The following FRAS1 variants were observed in gnomAD, a reference collection of about 807,000 sequenced individuals.
The protein encoded by FRAS1 is extracellular matrix organizing protein FRAS1.
FRAS1 carries 290 observed loss-of-function variants against 435.2 expected under a neutral mutation model. The observed-to-expected ratio is 0.67, with a 90% CI of 0.61 to 0.73. FRAS1 has a LOEUF of 0.73. Among genes scored for constraint, FRAS1 ranks in the 30% least tolerant of loss-of-function variants. FRAS1 has a pLI of 0.00. For synonymous variants in FRAS1, 1,800 were observed against 1,851.0 expected, an observed-to-expected ratio of 0.97 and a Z score of 0.71; for missense variants, 4,860 against 5,001.5, an observed-to-expected ratio of 0.97 and a Z score of 0.85.
At chr4:78,065,639 G>A (rs1021666445) in intron 1 of FRAS1, among the ~76,000 whole-genome samples, 1 of 152,202 alleles carries the variant, frequency 6.6e-6, no homozygotes, top group African/African-American at 2.4e-5. Flanking sequence ...AACAGTGGCA[G>A]GGAAGCCTGG....
At chr4:78,081,999 T>C (rs966272912) in intron 2 of FRAS1, among the ~76,000 whole-genome samples, 1 of 152,138 alleles carries the variant, frequency 6.6e-6, no homozygotes, top group African/African-American at 2.4e-5. Context: ...CATATTCCAC[T>C]CAAATAGTTT....
chr4:78,378,476 T>C (rs1731872420), intron 26 of FRAS1, among the ~76,000 whole-genome samples: 1 of 152,182 alleles, frequency 6.6e-6, no homozygotes, highest in Admixed American at 6.5e-5. Context: ...TTGGTAACTG[T>C]ATTTAATTGA....
At chr4:78,111,713 T>G (rs1172422704) in intron 2 of FRAS1, among the ~76,000 whole-genome samples, 1 of 120,622 alleles carries the variant, frequency 8.3e-6, no homozygotes, top group Non-Finnish European at 1.6e-5. Context: ...GTAACTAACC[T>G]GCACAATGTG....
chr4:78,422,623 G>A (rs1392981467), intron 34 of FRAS1, among the ~76,000 whole-genome samples: 3 of 152,182 alleles, frequency 2.0e-5, no homozygotes, highest in African/African-American at 4.8e-5. Context: ...GTCAGGCAGA[G>A]CAGGGATGCA....
At chr4:78,378,953 T>C (rs1338798308) in intron 26 of FRAS1, among the ~76,000 whole-genome samples, 2 of 152,136 alleles carry the variant, frequency 1.3e-5, no homozygotes, top group Non-Finnish European at 2.9e-5. Context: ...TTCAAAATCG[T>C]AAAAATGTAC....
rs368726476 is a variant in FRAS1, at chr4:78,519,430, C to T, written c.10489C>T (p.His3497Tyr). ...APRGWASLEHHTEMEFSFFYD... is the reference protein window; with the variant it reads ...APRGWASLEHYTEMEFSFFYD... ...CAGGGGCTGGGCCTCCTTGGAGCAC[C>T]ACACCGAGATGGAGTTTTCTTTCTT... Residue 3497 changes from histidine (H) to tyrosine (Y), a missense_variant, in exon 67 of 74, where the codon CAC (histidine) becomes TAC (tyrosine). By Grantham distance (83) the His-to-Tyr change is moderately conservative (BLOSUM62 2). Coordinates refer to ENST00000512123, the MANE Select transcript of FRAS1 (RefSeq NM_025074.7). 8 of 1,611,650 alleles carry T rather than the reference C, an allele frequency of 5.0e-6. No individual in the cohort carries two copies. Among genetic ancestry groups the T allele is most frequent in the African/African-American group, 2.7e-5 (2 of 74,716 alleles).
At position 78,273,431 on chromosome 4, in the gene FRAS1, T is replaced by C. The variant is rs1166317891; in HGVS notation, c.982-5224T>C. The stretch of plus-strand genomic sequence containing the variant: ...ATGCTTCCAGTTTTTGCCCATTCAG[T>C]ATGATATTGGCTGTGGGTTTCTCGT... On this transcript the variant is annotated intron_variant, in intron 9 of 73. Transcript: ENST00000512123. Among the ~76,000 whole-genome samples, 4 of 152,228 alleles carry C rather than the reference T, an allele frequency of 2.6e-5. No individual in the cohort carries two copies. In the East Asian group the frequency reaches 7.7e-4, roughly 29 times the overall value.
intron 2 of FRAS1, among the ~76,000 whole-genome samples, chr4:78,146,651 A>G (rs1720433365): frequency 6.6e-6 from 1 of 152,044 alleles, no homozygotes; most frequent in African/African-American, 2.4e-5. Context: ...CCTATACTAG[A>G]TATTTTGAAG....
intron 1 of FRAS1, among the ~76,000 whole-genome samples, chr4:78,063,695 G>T (rs1739862755): frequency 6.6e-6 from 1 of 152,076 alleles, no homozygotes; most frequent in Non-Finnish European, 1.5e-5. Flanking sequence ...CCAAAAATAG[G>T]TTTTGATATG....
chr4:78,309,670 T>A (rs954677367), intron 15 of FRAS1, among the ~76,000 whole-genome samples: 13 of 152,028 alleles, frequency 8.6e-5, no homozygotes, highest in Non-Finnish European at 1.5e-4. Flanking sequence ...TATTTTTTTT[T>A]ATTTTCCTTT....
chr4:78,231,846 A>G (rs925997261), intron 2 of FRAS1, among the ~76,000 whole-genome samples: 6 of 152,174 alleles, frequency 3.9e-5, no homozygotes, highest in Non-Finnish European at 7.3e-5. Context: ...TATTTGCAAG[A>G]ACATTTTATT....
Position 78,217,820 on chromosome 4 carries a change from C to T in FRAS1, c.109-19690C>T, listed in dbSNP as rs560947788. On this transcript the variant is annotated intron_variant, in intron 2 of 73. Transcript: ENST00000512123. Reference sequence around the variant, plus strand: ...CCTTCTCTCCCCTCCCCTCTCCTCCCCTCCCCTCCCCTTCCCCTCTCCTCT... The same window carrying T: ...CCTTCTCTCCCCTCCCCTCTCCTCCTCTCCCCTCCCCTTCCCCTCTCCTCT... Among the ~76,000 whole-genome samples the T allele has an allele frequency of 8.8e-3, 967 of 109,678 alleles. 31 individuals carry two copies. The highest frequency in any genetic ancestry group is 0.033 in the African/African-American group (910 of 27,856). 72.0% of individuals were successfully genotyped at this position (109,678 alleles called of 152,430 possible). A position where few individuals can be genotyped will look rare whatever the true frequency, so the allele number is the denominator to read the frequency against.
At chr4:78,460,646 G>A (rs1719342727) in intron 47 of FRAS1, among the ~76,000 whole-genome samples, 2 of 152,156 alleles carry the variant, frequency 1.3e-5, no homozygotes, top group South Asian at 4.2e-4. Flanking sequence ...AACCTAGATG[G>A]CATAGCCTGC....
chr4:78,212,750 T>G (rs1026116998), intron 2 of FRAS1, among the ~76,000 whole-genome samples: 1 of 152,226 alleles, frequency 6.6e-6, no homozygotes, highest in Non-Finnish European at 1.5e-5. Flanking sequence ...CTACTTACTG[T>G]GACTGAGCAA....
chr4:78,446,963 T>A (rs1037311125), intron 43 of FRAS1, 83 bp downstream of exon 43: 8 of 1,324,286 alleles, frequency 6.0e-6, no homozygotes, highest in Middle Eastern at 1.8e-4. Context: ...TTCAGTTGAC[T>A]ATTTCTTTTC....
At chr4:78,241,173 G>T (rs1724987922) in intron 3 of FRAS1, among the ~76,000 whole-genome samples, 1 of 152,142 alleles carries the variant, frequency 6.6e-6, no homozygotes, top group Admixed American at 6.5e-5. Flanking sequence ...GGGGCCTTAG[G>T]TAGGCAACAT....
chr4:78,179,850 T>C (rs146396396), intron 2 of FRAS1, among the ~76,000 whole-genome samples: 18 of 152,268 alleles, frequency 1.2e-4, no homozygotes, highest in African/African-American at 4.1e-4. Flanking sequence ...GTTGGGCAGT[T>C]GGTGCAAGGA....
chr4:78,284,280 C>G lies in FRAS1; in HGVS notation c.1256-125C>G, dbSNP rs1578227720. On this transcript the variant is annotated intron_variant, in intron 12 of 73. Transcript: ENST00000512123. ...TATTTAGGAGGCTTTTTCCTAAGTC[C>G]CACAGTTTTCTGTTCTTCATGTTCT... The G allele has an allele frequency of 2.8e-5, 14 of 500,556 alleles. No homozygotes were observed. The East Asian group carries it at 7.0e-4, about 25-fold the overall frequency. The allele number at this position is 500,556 out of a possible 1,614,324, so 31.0% of individuals were successfully genotyped here. A position where few individuals can be genotyped will look rare whatever the true frequency, so the allele number is the denominator to read the frequency against.
chr4:78,466,128 G>A, intron 49 of FRAS1, 80 bp from the exon 50 acceptor site: 1 of 1,146,874 alleles, frequency 8.7e-7, no homozygotes. Context: ...TACTACCCTT[G>A]ATCAGCAATT....
Sources: gnomAD v4.1 joint callset for allele counts (sites outside exome capture counted in the v4.1 genomes callset) on GRCh38, gnomAD v4.1.1 for gene constraint, MANE v1.5 for transcripts, NCBI Gene and HGNC (gene_info 2026-07-23, HGNC 2026-07-21) for gene names.